ACADM: variants seen among roughly 807,000 people sequenced by gnomAD.
The protein encoded by ACADM is medium-chain specific acyl-CoA dehydrogenase, mitochondrial.
A neutral mutation model predicts 58.9 loss-of-function variants in ACADM; 49 were observed. The ratio of observed to expected loss-of-function variants is 0.83; its 90% confidence interval spans 0.66 to 1.06. The LOEUF is 1.06. ACADM is among the 50% of genes least tolerant of loss of function. The pLI, the probability that ACADM is intolerant of heterozygous loss-of-function variation, is 0.00. For synonymous variants in ACADM, 160 were observed against 157.7 expected (o/e 1.01, Z -0.11); for missense variants, 496 against 507.0 (o/e 0.98, Z 0.21).
rs561958916 is a variant in ACADM, at chr1:75,752,239, C to A, written c.945+1693C>A. Among the ~76,000 whole-genome samples the A allele has an allele frequency of 1.6e-3, 251 of 152,250 alleles. 1 individual carries two copies. The highest frequency in any genetic ancestry group is 3.0e-3 in the Non-Finnish European group (207 of 68,014). ...TCAAGCAATCTTTCCACCTCAGCCCCCCATGAGCCTCCTATTCCTATCTCC... is the reference window on the plus strand; with the variant it reads ...TCAAGCAATCTTTCCACCTCAGCCCACCATGAGCCTCCTATTCCTATCTCC... On this transcript the variant is annotated intron_variant, in intron 10 of 11. Coordinates refer to ENST00000370841, the MANE Select transcript of ACADM (RefSeq NM_000016.6).
At chr1:75,759,188 G>A (rs777777242) in intron 10 of ACADM, among the ~76,000 whole-genome samples, 1 of 152,180 alleles carries the variant, frequency 6.6e-6, no homozygotes, top group Non-Finnish European at 1.5e-5. Context: ...AGAACCCACT[G>A]GAAGGAACCA....
At chr1:75,731,904 C>T (rs1345182968) in intron 2 of ACADM, among the ~76,000 whole-genome samples, 2 of 152,150 alleles carry the variant, frequency 1.3e-5, no homozygotes, top group African/African-American at 4.8e-5. Flanking sequence ...TGGCTCCCAG[C>T]ACTTTGGGAG....
chr1:75,745,147 A>G (rs913753304), intron 7 of ACADM, among the ~76,000 whole-genome samples: 11 of 152,150 alleles, frequency 7.2e-5, no homozygotes, highest in African/African-American at 2.7e-4. Context: ...GCAAGAGATT[A>G]ACAACAACTA....
chr1:75,743,933 A>C (rs547437139), intron 7 of ACADM: 2 of 1,516,714 alleles, frequency 1.3e-6, no homozygotes, highest in Non-Finnish European at 1.8e-6. Flanking sequence ...ACAGATGCCG[A>C]CATGAAGCCT....
Position 75,733,621 on chromosome 1 carries a change from C to A in ACADM, c.380C>A (p.Ser127Tyr). The change falls in exon 5 of 12, where the codon TCT (serine) becomes TAT (tyrosine). Residue 127 changes from serine (S) to tyrosine (Y), a missense_variant. By Grantham distance (144) the Ser-to-Tyr change is moderately radical (BLOSUM62 -2). Coordinates refer to ENST00000370841, the MANE Select transcript of ACADM (RefSeq NM_000016.6). The stretch of plus-strand genomic sequence containing the variant: ...GTTCAGACTGCTATTGAAGGAAATT[C>A]TTTGGGGGTAAGTGACTTAGAAAAT... Reference protein sequence around the residue: ...TGVQTAIEGNSLGQMPIIIAG... With the variant: ...TGVQTAIEGNYLGQMPIIIAG... 6.2e-7 allele frequency: 1 copy of A among 1,612,112 alleles called. No homozygotes were observed. The highest frequency in any genetic ancestry group is 1.1e-5 in the South Asian group (1 of 91,040).
At chr1:75,747,664 G>A (rs1423368677) in intron 8 of ACADM, among the ~76,000 whole-genome samples, 1 of 152,134 alleles carries the variant, frequency 6.6e-6, no homozygotes, top group East Asian at 1.9e-4. Flanking sequence ...GCGCACACCT[G>A]TAGTCCCAGC....
chr1:75,759,137 C>CACT (rs1302950247), intron 10 of ACADM, among the ~76,000 whole-genome samples: 1 of 151,776 alleles, frequency 6.6e-6, no homozygotes. Flanking sequence ...GCTGTAACAC[C>CACT]GCGAAGGTCT....
chr1:75,749,148 C>G (rs1648060011), intron 8 of ACADM, among the ~76,000 whole-genome samples: 1 of 152,094 alleles, frequency 6.6e-6, no homozygotes, highest in Non-Finnish European at 1.5e-5. Context: ...TTGTAAAGAT[C>G]CAAATTATAA....
chr1:75,735,854 A>C (rs962750666), intron 6 of ACADM, among the ~76,000 whole-genome samples: 1 of 151,340 alleles, frequency 6.6e-6, no homozygotes, highest in Non-Finnish European at 1.5e-5. Flanking sequence ...AAAAAAAAAA[A>C]AGCAATTAAT....
chr1:75,749,826 C>G (rs766497175), intron 9 of ACADM, among the ~76,000 whole-genome samples: 23 of 150,454 alleles, frequency 1.5e-4, no homozygotes, highest in Non-Finnish European at 2.8e-4. Context: ...GATTCTCCTG[C>G]CTTAGCCTCA....
At chr1:75,759,892 C>T (rs977483217) in intron 10 of ACADM, among the ~76,000 whole-genome samples, 7 of 151,880 alleles carry the variant, frequency 4.6e-5, no homozygotes, top group Non-Finnish European at 7.4e-5. Flanking sequence ...AACTCCCAAC[C>T]TCAGGTGATC....
At chr1:75,732,811 T>G in intron 3 of ACADM, 42 bp from the exon 4 acceptor site, 1 of 1,606,980 alleles carries the variant, frequency 6.2e-7, no homozygotes. Flanking sequence ...TCAAACTATC[T>G]GGATTTCAAA....
intron 6 of ACADM, among the ~76,000 whole-genome samples, chr1:75,736,427 G>T (rs1647267470): frequency 6.7e-6 from 1 of 148,252 alleles, no homozygotes; most frequent in South Asian, 2.1e-4. Flanking sequence ...AAAGGAATTT[G>T]TACATATTTG....
At chr1:75,754,658 T>C (rs960464312) in intron 10 of ACADM, among the ~76,000 whole-genome samples, 2 of 152,220 alleles carry the variant, frequency 1.3e-5, no homozygotes, top group Non-Finnish European at 2.9e-5. Flanking sequence ...CCAAGATGGC[T>C]GAATAGGAAC....
intron 10 of ACADM, among the ~76,000 whole-genome samples, chr1:75,758,949 T>C (rs1446571475): frequency 6.6e-6 from 1 of 152,228 alleles, no homozygotes; most frequent in Non-Finnish European, 1.5e-5. Flanking sequence ...TCTTTTGCTC[T>C]TCACAATAAA....
chr1:75,742,469 T>A (rs1262270221), intron 7 of ACADM, among the ~76,000 whole-genome samples: 2 of 152,100 alleles, frequency 1.3e-5, no homozygotes, highest in Non-Finnish European at 2.9e-5. Flanking sequence ...AAGAACTGCC[T>A]CCTCAGCCCA....
chr1:75,736,499 T>G (rs1219467388), intron 6 of ACADM, among the ~76,000 whole-genome samples: 2 of 152,172 alleles, frequency 1.3e-5, no homozygotes, highest in African/African-American at 4.8e-5. Flanking sequence ...CACTATTGTC[T>G]ATAAGAACTG....
chr1:75,759,351 C>T (rs1027669157), intron 10 of ACADM, among the ~76,000 whole-genome samples: 1 of 152,232 alleles, frequency 6.6e-6, no homozygotes, highest in Non-Finnish European at 1.5e-5. Flanking sequence ...CCCTCTAATC[C>T]TGCCATCGTC....
rs1234150539 is a variant in ACADM, at chr1:75,748,134, TG to T, written c.709-1284del. 3.9e-5 allele frequency among the ~76,000 whole-genome samples: 6 copies of T among 152,326 alleles called. 1 individual carries two copies. The South Asian group carries it at 8.3e-4, about 21-fold the overall frequency. ...TTTTTTCCTTATTAAGAGTTATGTCTGCAACTTCCTCTCATGATTTAGCATA... is the reference window on the plus strand; with the variant it reads ...TTTTTTCCTTATTAAGAGTTATGTCTCAACTTCCTCTCATGATTTAGCATA... On this transcript the variant is annotated intron_variant, in intron 8 of 11. Transcript: ENST00000370841.
Sources: gnomAD v4.1 joint callset for allele counts (sites outside exome capture counted in the v4.1 genomes callset) on GRCh38, gnomAD v4.1.1 for gene constraint, MANE v1.5 for transcripts, NCBI Gene and HGNC (gene_info 2026-07-23, HGNC 2026-07-21) for gene names.